Variants in AHNAK2 observed in about 807,000 individuals in gnomAD.
AHNAK2 encodes AHNAK nucleoprotein 2.
A neutral mutation model predicts 30.7 loss-of-function variants in AHNAK2; 18 were observed. The observed-to-expected ratio is 0.59, with a 90% CI of 0.41 to 0.87. The LOEUF is 0.87. Ranked by LOEUF, AHNAK2 falls within the 40% of genes least tolerant of loss-of-function variation. AHNAK2 has a pLI of 0.00. For synonymous variants in AHNAK2, 3,590 were observed against 3,073.8 expected, an observed-to-expected ratio of 1.17 and a Z score of -5.56; for missense variants, 8,604 against 7,373.0, an observed-to-expected ratio of 1.17 and a Z score of -6.11.
intron 1 of AHNAK2, among the ~76,000 whole-genome samples, chr14:104,973,101 T>A (rs1355433254): frequency 2.0e-5 from 3 of 152,152 alleles, no homozygotes; most frequent in African/African-American, 7.2e-5. Context: ...TGGCACCACG[T>A]GGTGGGACTC....
intron 4 of AHNAK2, 48 bp downstream of exon 4, chr14:104,956,540 C>T (rs755863150): frequency 6.3e-7 from 1 of 1,597,014 alleles, no homozygotes; most frequent in Non-Finnish European, 8.6e-7. Context: ...GGCTGGATCC[C>T]TTGAGGACCG....
chr14:104,950,040 C>G lies in AHNAK2; in HGVS notation c.5411G>C (p.Arg1804Pro). 1 of 1,584,602 alleles carries G rather than the reference C, an allele frequency of 6.3e-7. No homozygotes were observed. The highest frequency in any genetic ancestry group is 8.6e-7 in the Non-Finnish European group (1 of 1,162,630). The change falls in exon 7 of 7, where the codon CGG (arginine) becomes CCG (proline). Residue 1804 changes from arginine (R) to proline (P), a missense_variant. By Grantham distance (103) the Arg-to-Pro change is moderately radical. Transcript: ENST00000333244. ...GGCCAGGGACAGGTCACCCTCCAGC[C>G]GCACACTGTCCAGCTTGGCTCCTGG... ...EAPGAKLDSV[R>P]LEGDLSLADK...
intron 1 of AHNAK2, among the ~76,000 whole-genome samples, chr14:104,975,365 G>A (rs1335501148): frequency 6.6e-6 from 1 of 152,196 alleles, no homozygotes; most frequent in Non-Finnish European, 1.5e-5. Context: ...CCTCCCTGGT[G>A]GTCCAGCTTC....
At position 104,953,894 on chromosome 14, in the gene AHNAK2, C is replaced by T. The variant is rs760582773; in HGVS notation, c.1557G>A (p.Ala519=). 165 of 1,613,874 alleles carry T rather than the reference C, an allele frequency of 1.0e-4. No individual in the cohort carries two copies. The highest frequency in any genetic ancestry group is 3.3e-4 in the Middle Eastern group (2 of 6,084). The change falls in exon 7 of 7, where the codon GCG becomes GCA. Residue 519 remains alanine, a synonymous_variant. Transcript: ENST00000333244. ...STPQRGKRQD[A]SSKAGTGLKG... ...TCAGGCCAGTACCCGCTTTTGAGGA[C>T]GCATCCTGTCTCTTCCCTCGCTGTG... is the stretch of plus-strand genomic sequence containing the variant.
Position 104,949,850 on chromosome 14 carries a change from C to T in AHNAK2, c.5601G>A (p.Lys1867=), listed in dbSNP as rs376227442. 3.5e-5 allele frequency: 56 copies of T among 1,587,850 alleles called. No homozygotes were observed. In the East Asian group the frequency reaches 1.1e-3, roughly 32 times the overall value. The change falls in exon 7 of 7, where the codon AAG becomes AAA. Residue 1867 remains lysine, a synonymous_variant. Coordinates refer to ENST00000333244, the MANE Select transcript of AHNAK2 (RefSeq NM_138420.4). ...VSLPSMQGDL[K]TTDLCIPLPS... ...GGAGCGGAATGCAGAGGTCCGTGGTCTTGAGGTCCCCCTGCATGGAGGGGA... is the reference window on the plus strand; with the variant it reads ...GGAGCGGAATGCAGAGGTCCGTGGTTTTGAGGTCCCCCTGCATGGAGGGGA...
Position 104,950,505 on chromosome 14 carries a change from T to C in AHNAK2, c.4946A>G (p.Lys1649Arg), listed in dbSNP as rs760817875. Residue 1649 changes from lysine to arginine, a missense_variant, in exon 7 of 7, where the codon AAG becomes AGG. Physicochemically the swap from Lys to Arg is conservative, Grantham distance 26. Transcript: ENST00000333244. The part of the protein sequence containing the change: ...QLEGDLSLAD[K>R]AVTAKDSKFK... ...CTTGCTGTCTTTGGCAGTCACCGCC[T>C]TGTCGGCCAGGGACAGGTCCCCCTC... 4 of 1,586,888 alleles carry C rather than the reference T, an allele frequency of 2.5e-6. 1 individual carries two copies. The East Asian group carries it at 9.1e-5, about 36-fold the overall frequency.
rs199554131 is a variant in AHNAK2, at chr14:104,950,446, C to G, written c.5005G>C (p.Gly1669Arg). The stretch of plus-strand genomic sequence containing the variant: ...ATGGACTTGCCTGGGGCCGACACCC[C>G]AAATGATGGCATCTTGAACTTGGGC... ...KMPKFKMPSF[G>R]VSAPGKSIEA... is the part of the protein sequence containing the mutation. The change falls in exon 7 of 7, where the codon GGG becomes CGG. Residue 1669 changes from glycine (G) to arginine (R), a missense_variant. Transcript: ENST00000333244. 6.3e-7 allele frequency: 1 copy of G among 1,586,808 alleles called. No homozygotes were observed. The highest frequency in any genetic ancestry group is 1.1e-5 in the South Asian group (1 of 89,658).
rs370710538 is a variant in AHNAK2 at position 104,949,390 on chromosome 14, C to T, written c.6061G>A (p.Asp2021Asn). Reference protein sequence around the residue: ...VDVPAPKVEADVSLPSMQGDL... With the variant: ...VDVPAPKVEANVSLPSMQGDL... ...CCCTGCATGGAGGGGAGACTCACGTCGGCCTCCACCTTGGGTGCAGGCACA... is the reference window on the plus strand; with the variant it reads ...CCCTGCATGGAGGGGAGACTCACGTTGGCCTCCACCTTGGGTGCAGGCACA... The change falls in exon 7 of 7, where the codon GAC becomes AAC. Residue 2021 changes from aspartate to asparagine, a missense_variant. Asp to Asn is a conservative substitution (Grantham distance 23). Coordinates refer to ENST00000333244, the MANE Select transcript of AHNAK2 (RefSeq NM_138420.4). 94 of 1,582,198 alleles carry T rather than the reference C, an allele frequency of 5.9e-5. 7 individuals are homozygous for T. Among genetic ancestry groups the T allele is most frequent in the African/African-American group, 5.7e-4 (42 of 73,328 alleles).
rs1897989933 is a variant in AHNAK2 at position 104,941,631 on chromosome 14, C to A, written c.13820G>T (p.Gly4607Val). Reference protein sequence around the residue: ...DVQAPGSMLDGARLEGDLSLA... With the variant: ...DVQAPGSMLDVARLEGDLSLA... ...GGACAGGTCCCCCTCAAGCCGCGCA[C>A]CATCCAGCATGGATCCTGGGGCCTG... Residue 4607 changes from glycine to valine, a missense_variant, in exon 7 of 7, where the codon GGT (glycine) becomes GTT (valine). Physicochemically the swap from Gly to Val is moderately radical, Grantham distance 109. Coordinates refer to ENST00000333244, the MANE Select transcript of AHNAK2 (RefSeq NM_138420.4). The A allele has an allele frequency of 1.2e-6, 2 of 1,613,610 alleles. No homozygotes were observed. Among genetic ancestry groups the A allele is most frequent in the East Asian group, 4.5e-5 (2 of 44,876 alleles).
In AHNAK2 at chr14:104,948,246, G is replaced by C. The variant is rs375752409; in HGVS notation, c.7205C>G (p.Pro2402Arg). The change falls in exon 7 of 7, where the codon CCC becomes CGC. Residue 2402 changes from proline to arginine, a missense_variant. Coordinates refer to ENST00000333244, the MANE Select transcript of AHNAK2 (RefSeq NM_138420.4). ...PEGAGLKGHL[P>R]KLQMPSFKMP... ...CTTGAAACTGGGCATCTGCAGCTTG[G>C]GCAGGTGCCCTTTGAGGCCGGCTCC... is the stretch of plus-strand genomic sequence containing the variant. 254 of 1,612,494 alleles carry C rather than the reference G, an allele frequency of 1.6e-4. 1 individual carries two copies. Among genetic ancestry groups the C allele is most frequent in the Middle Eastern group, 8.3e-4 (5 of 6,038 alleles).
At chr14:104,970,552 TCCC>T in intron 1 of AHNAK2, 1 of 979,892 alleles carries the variant, frequency 1.0e-6, no homozygotes, top group Non-Finnish European at 1.2e-6. Flanking sequence ...CCACAGCTCC[TCCC>T]CCCATTGTCC....
rs764728611 is a variant in AHNAK2, at chr14:104,952,751, T to C, written c.2700A>G (p.Lys900=). The C allele has an allele frequency of 5.6e-6, 9 of 1,610,764 alleles. No individual in the cohort carries two copies. The South Asian group carries it at 6.6e-5, about 12-fold the overall frequency. ...CCTCGGGCACAGGGCCCTCCGGAAG[T>C]TTCACATCCACTTGGCCAGCCTGGA... The part of the protein sequence containing the change: ...LEVQAGQVDV[K]LPEGPVPEGA... Residue 900 remains lysine, a synonymous_variant, in exon 7 of 7, where the codon AAA becomes AAG. Coordinates refer to ENST00000333244, the MANE Select transcript of AHNAK2 (RefSeq NM_138420.4).
intron 1 of AHNAK2, among the ~76,000 whole-genome samples, chr14:104,958,409 T>C (rs1386644580): frequency 6.6e-6 from 1 of 152,034 alleles, no homozygotes; most frequent in East Asian, 1.9e-4. Context: ...GATTGTGCCA[T>C]TGTACTCCAG....
At chr14:104,964,144 A>C (rs185924369) in intron 1 of AHNAK2, among the ~76,000 whole-genome samples, 646 of 152,350 alleles carry the variant, frequency 4.2e-3, no homozygotes, top group African/African-American at 0.015. Context: ...CTTGCAAACC[A>C]AAAGACAAAC....
Position 104,946,477 on chromosome 14 carries a change from C to T in AHNAK2, c.8974G>A (p.Ala2992Thr), listed in dbSNP as rs375344284. 1 of 1,612,578 alleles carries T rather than the reference C, an allele frequency of 6.2e-7. No homozygotes were observed. Among genetic ancestry groups the T allele is most frequent in the African/African-American group, 1.3e-5 (1 of 74,456 alleles). The change falls in exon 7 of 7, where the codon GCC (alanine) becomes ACC (threonine). Residue 2992 changes from alanine to threonine, a missense_variant. Ala to Thr is a moderately conservative substitution (Grantham distance 58). Coordinates refer to ENST00000333244, the MANE Select transcript of AHNAK2 (RefSeq NM_138420.4). The part of the protein sequence containing the change: ...KFKMPSFGVS[A>T]PGKSIEVSVD... ...GAGACCTCAATGGACTTGCCTGGGGCAGACACCCCGAACGACGGCATCTTG... is the reference window on the plus strand; with the variant it reads ...GAGACCTCAATGGACTTGCCTGGGGTAGACACCCCGAACGACGGCATCTTG...
Position 104,938,518 on chromosome 14 carries a change from G to A in AHNAK2, c.16933C>T (p.Leu5645Phe), listed in dbSNP as rs184901284. 74 of 1,613,642 alleles carry A rather than the reference G, an allele frequency of 4.6e-5. No individual in the cohort carries two copies. In the Admixed American group the frequency reaches 7.7e-4, roughly 17 times the overall value. ...DKPESKKSGL[L>F]WFWLPNIGFS... is the part of the protein sequence containing the mutation. ...CCAATGTTTGGAAGCCAAAACCAGA[G>A]CAGACCAGATTTTTTACTTTCTGGT... Residue 5645 changes from leucine (L) to phenylalanine (F), a missense_variant, in exon 7 of 7, where the codon CTC becomes TTC. By Grantham distance (22) the Leu-to-Phe change is conservative. Transcript: ENST00000333244.
Position 104,941,721 on chromosome 14 carries a change from C to A in AHNAK2, c.13730G>T (p.Gly4577Val). 6.2e-7 allele frequency: 1 copy of A among 1,613,778 alleles called. No individual in the cohort carries two copies. The highest frequency in any genetic ancestry group is 8.5e-7 in the Non-Finnish European group (1 of 1,179,868). The change falls in exon 7 of 7, where the codon GGC (glycine) becomes GTC (valine). Residue 4577 changes from glycine to valine, a missense_variant. Physicochemically the swap from Gly to Val is moderately radical, Grantham distance 109 (BLOSUM62 -3). Coordinates refer to ENST00000333244, the MANE Select transcript of AHNAK2 (RefSeq NM_138420.4). Reference protein sequence around the residue: ...DVKGPKLDLKGPKAEVMAPDV... With the variant: ...DVKGPKLDLKVPKAEVMAPDV... Reference sequence around the variant, plus strand: ...GGGGGCCATCACCTCTGCCTTTGGGCCTTTCAGGTCCAGCTTGGGGCCCTT... The same window carrying A: ...GGGGGCCATCACCTCTGCCTTTGGGACTTTCAGGTCCAGCTTGGGGCCCTT...
In AHNAK2 at chr14:104,941,320, A is replaced by G; in HGVS notation, c.14131T>C (p.Phe4711Leu). Reference protein sequence around the residue: ...KLHFKVPKVSFSSTKTPKDSL... With the variant: ...KLHFKVPKVSLSSTKTPKDSL... ...TCTTTAGGAGTTTTGGTAGAAGAAA[A>G]TGAAACTTTGGGCACTTTAAAATGC... Residue 4711 changes from phenylalanine (F) to leucine (L), a missense_variant, in exon 7 of 7, where the codon TTT (phenylalanine) becomes CTT (leucine). Phe to Leu is a conservative substitution (Grantham distance 22). Coordinates refer to ENST00000333244, the MANE Select transcript of AHNAK2 (RefSeq NM_138420.4). 1 of 1,613,630 alleles carries G rather than the reference A, an allele frequency of 6.2e-7. No individual in the cohort carries two copies. Among genetic ancestry groups the G allele is most frequent in the Non-Finnish European group, 8.5e-7 (1 of 1,179,892 alleles).
At chr14:104,957,575 G>A in intron 2 of AHNAK2, 39 bp downstream of exon 2, 1 of 1,603,186 alleles carries the variant, frequency 6.2e-7, no homozygotes, top group Admixed American at 1.7e-5. Flanking sequence ...AATGGGGGCA[G>A]GGTATGAGGA....
Sources: gnomAD v4.1 joint callset for allele counts (sites outside exome capture counted in the v4.1 genomes callset) on GRCh38, gnomAD v4.1.1 for gene constraint, MANE v1.5 for transcripts, NCBI Gene and HGNC (gene_info 2026-07-23, HGNC 2026-07-21) for gene names.